CTH: variants seen among roughly 807,000 people sequenced by gnomAD.
CTH encodes cystathionase (cystathionine gamma-lyase).
In CTH, 41 loss-of-function variants were observed where a neutral mutation model predicts 50.6. The ratio of observed to expected loss-of-function variants is 0.81; its 90% confidence interval spans 0.63 to 1.05. CTH has a LOEUF of 1.05. Ranked by LOEUF, CTH falls within the 50% of genes least tolerant of loss-of-function variation. The pLI, the probability that CTH is intolerant of heterozygous loss-of-function variation, is 0.00. For missense variants in CTH, 470 were observed against 492.6 expected, an observed-to-expected ratio of 0.95 and a Z score of 0.43; for synonymous variants, 156 against 168.9, an observed-to-expected ratio of 0.92 and a Z score of 0.59.
chr1:70,415,809 C>A lies in CTH; in HGVS notation c.169-147C>A, dbSNP rs1684077892. ...CAGAGCATCTTGACTATAGCCACAG[C>A]ACTGTTCTGCTTCTGTATTAAAGCA... On this transcript the variant is annotated intron_variant, in intron 1 of 11. Coordinates refer to ENST00000370938, the MANE Select transcript of CTH (RefSeq NM_001902.6). 4.4e-6 allele frequency: 3 copies of A among 676,814 alleles called. No homozygotes were observed. In the Admixed American group the frequency reaches 6.2e-5, roughly 14 times the overall value. The allele number at this position is 676,814 out of a possible 1,614,324, so 41.9% of individuals were successfully genotyped here. A position where few individuals can be genotyped will look rare whatever the true frequency, so the allele number is the denominator to read the frequency against.
Position 70,439,147 on chromosome 1 carries a change from GA to G in CTH, c.*22del. ...AGCTAGTATTCCAGAGCTGCTATTA[GA>G]AGCTGCTTCCTGTGAAGATCAAATC... On this transcript the variant is annotated 3_prime_UTR_variant, in exon 12 of 12. Transcript: ENST00000370938. 6.2e-7 allele frequency: 1 copy of G among 1,608,344 alleles called. No homozygotes were observed. The highest frequency in any genetic ancestry group is 8.5e-7 in the Non-Finnish European group (1 of 1,174,728).
chr1:70,428,754 G>T (rs1684402116), intron 5 of CTH, among the ~76,000 whole-genome samples: 1 of 151,934 alleles, frequency 6.6e-6, no homozygotes, highest in Non-Finnish European at 1.5e-5. Context: ...GGGATTACAG[G>T]TGCGTGCCAC....
chr1:70,433,117 G>T (rs1284268685), intron 8 of CTH, among the ~76,000 whole-genome samples: 2 of 152,160 alleles, frequency 1.3e-5, no homozygotes, highest in African/African-American at 2.4e-5. Flanking sequence ...CTTTTAAGCT[G>T]TGGTGGTCCT....
chr1:70,435,885 G>A (rs563728062), intron 10 of CTH, among the ~76,000 whole-genome samples: 3 of 152,304 alleles, frequency 2.0e-5, no homozygotes, highest in South Asian at 4.1e-4. Flanking sequence ...GAACGTGTTC[G>A]CAGCTTCACT....
intron 1 of CTH, among the ~76,000 whole-genome samples, chr1:70,412,650 T>G (rs1208528865): frequency 1.3e-5 from 2 of 152,146 alleles, no homozygotes; most frequent in Non-Finnish European, 2.9e-5. Flanking sequence ...AAGGCTAGGT[T>G]TGCATTCTGA....
In CTH at chr1:70,421,641, A is replaced by G. The variant is rs1280071242; in HGVS notation, c.422A>G (p.Lys141Arg). The change falls in exon 4 of 12, where the codon AAA (lysine) becomes AGA (arginine). Residue 141 changes from lysine to arginine, a missense_variant. By Grantham distance (26) the Lys-to-Arg change is conservative. Transcript: ENST00000370938. Reference sequence around the variant, plus strand: ...TCTTTTGTTGATTGTTCCAAAATCAAATTACTAGAGGCAGCAATTACACCA... The same window carrying G: ...TCTTTTGTTGATTGTTCCAAAATCAGATTACTAGAGGCAGCAATTACACCA... Reference protein sequence around the residue: ...KISFVDCSKIKLLEAAITPET... With the variant: ...KISFVDCSKIRLLEAAITPET... 8.1e-6 allele frequency: 13 copies of G among 1,613,980 alleles called. No individual in the cohort carries two copies. Among genetic ancestry groups the G allele is most frequent in the Non-Finnish European group, 1.1e-5 (13 of 1,179,922 alleles).
At chr1:70,430,515 G>A in intron 7 of CTH, 121 bp downstream of exon 7, 1 of 617,092 alleles carries the variant, frequency 1.6e-6, no homozygotes, top group Non-Finnish European at 2.9e-6. Context: ...ATGAAAAATA[G>A]AGGAGAAAAA....
intron 5 of CTH, among the ~76,000 whole-genome samples, chr1:70,429,522 T>A (rs1173173631): frequency 6.6e-6 from 1 of 152,206 alleles, no homozygotes; most frequent in Admixed American, 6.5e-5. Flanking sequence ...AGAAACAGGT[T>A]CAAGAGACCA....
Position 70,427,576 on chromosome 1 carries a change from C to T in CTH, c.589-2218C>T, listed in dbSNP as rs150585721. ...TACTTTGACCCCATCCCTTTAGGAA[C>T]CCTAAATGAAAAGTTCCCATAGCCA... is the stretch of plus-strand genomic sequence containing the variant. On this transcript the variant is annotated intron_variant, in intron 5 of 11. Transcript: ENST00000370938. Among the ~76,000 whole-genome samples the T allele has an allele frequency of 4.8e-3, 729 of 152,188 alleles. 6 individuals carry two copies. Among genetic ancestry groups the T allele is most frequent in the Middle Eastern group, 0.031 (9 of 294 alleles).
At chr1:70,421,799 C>T (rs1557465132) in intron 4 of CTH, 124 bp downstream of exon 4, 1 of 982,094 alleles carries the variant, frequency 1.0e-6, no homozygotes, top group Non-Finnish European at 1.6e-6. Flanking sequence ...TTGGAAACAT[C>T]AACAAAATTA....
At chr1:70,413,931 G>A (rs1167179239) in intron 1 of CTH, among the ~76,000 whole-genome samples, 2 of 150,786 alleles carry the variant, frequency 1.3e-5, no homozygotes, top group Admixed American at 6.6e-5. Flanking sequence ...TAGTAGAGAC[G>A]GGGTTTCACC....
chr1:70,412,809 C>T (rs1300205318), intron 1 of CTH, among the ~76,000 whole-genome samples: 1 of 152,016 alleles, frequency 6.6e-6, no homozygotes, highest in South Asian at 2.1e-4. Context: ...AATAATTACT[C>T]GATGGTAATT....
rs551452284 is a variant in CTH, at chr1:70,422,691, A to G, written c.456+1016A>G. Among the ~76,000 whole-genome samples, 6 of 148,922 alleles carry G rather than the reference A, an allele frequency of 4.0e-5. No homozygotes were observed. The South Asian group carries it at 1.3e-3, about 32-fold the overall frequency. On this transcript the variant is annotated intron_variant, in intron 4 of 11. Transcript: ENST00000370938. ...CAATGGCGCAATCCCAGCTCACTGC[A>G]AGCTCTGCCTCTTGGGTTCAAATGA...
At chr1:70,424,171 A>G in intron 4 of CTH, 114 bp from the exon 5 acceptor site, 2 of 1,578,118 alleles carry the variant, frequency 1.3e-6, no homozygotes, top group Non-Finnish European at 1.7e-6. Flanking sequence ...TCCCAACATC[A>G]TCATCCATGT....
intron 1 of CTH, among the ~76,000 whole-genome samples, chr1:70,414,184 TG>T (rs1383001132): frequency 2.0e-5 from 3 of 149,918 alleles, no homozygotes; most frequent in Non-Finnish European, 4.4e-5. Context: ...AAGGTGATGG[TG>T]GGGAGGGGTA....
In CTH at chr1:70,433,771, C is replaced by G. The variant is rs1030926206; in HGVS notation, c.878-57C>G. ...GACAGTGAAAAATACCACCCTCCCC[C>G]CCCAAAAATTACATGTTTAATTCTA... On this transcript the variant is annotated intron_variant, in intron 8 of 11. Transcript: ENST00000370938. 1.6e-5 allele frequency: 26 copies of G among 1,610,152 alleles called. No homozygotes were observed. The Admixed American group carries it at 1.7e-4, about 10-fold the overall frequency.
At chr1:70,419,535 A>G (rs1052690189) in intron 3 of CTH, among the ~76,000 whole-genome samples, 5 of 152,172 alleles carry the variant, frequency 3.3e-5, no homozygotes, top group Admixed American at 6.5e-5. Context: ...GTGAGATGGT[A>G]TCTCACTGTG....
chr1:70,437,539 C>A (rs1036614562), intron 10 of CTH, among the ~76,000 whole-genome samples: 4 of 152,128 alleles, frequency 2.6e-5, no homozygotes, highest in Non-Finnish European at 5.9e-5. Context: ...TTTTATAAGG[C>A]CACATAGGCA....
At chr1:70,427,796 A>T (rs191895157) in intron 5 of CTH, among the ~76,000 whole-genome samples, 189 of 152,036 alleles carry the variant, frequency 1.2e-3, no homozygotes, top group African/African-American at 4.3e-3. Flanking sequence ...CACTGCAACC[A>T]CCGCCTCCCC....
Sources: gnomAD v4.1 joint callset for allele counts (sites outside exome capture counted in the v4.1 genomes callset) on GRCh38, gnomAD v4.1.1 for gene constraint, MANE v1.5 for transcripts, NCBI Gene and HGNC (gene_info 2026-07-23, HGNC 2026-07-21) for gene names.